The following RTL9 variants were observed in gnomAD, a reference collection of about 807,000 sequenced individuals.
The protein encoded by RTL9 is retrotransposon Gag-like protein 9.
In RTL9, 19 loss-of-function variants were observed where a neutral mutation model predicts 44.7. That is an observed-to-expected ratio of 0.42 (90% confidence interval 0.30 to 0.62). The LOEUF (loss-of-function observed/expected upper bound fraction) is 0.62, where lower values mean the gene tolerates loss of function less well. Among genes scored for constraint, RTL9 ranks in the 20% least tolerant of loss-of-function variants. RTL9 has a pLI of 0.16. For synonymous variants in RTL9, 407 were observed against 398.9 expected (o/e 1.02, Z -0.24); for missense variants, 1,105 against 1,080.6 (o/e 1.02, Z -0.32).
At chrX:110,448,753 G>C (rs1372380163), upstream of RTL9, among the ~76,000 whole-genome samples, 26 of 109,870 alleles carry the variant, frequency 2.4e-4, 1 homozygote, top group Non-Finnish European at 9.5e-5. Flanking sequence ...ACAGCTGTTG[G>C]TACTGGGTCT....
chrX:110,416,460 G>A (rs1363209453), upstream of RTL9, among the ~76,000 whole-genome samples: 2 of 111,690 alleles, frequency 1.8e-5, no homozygotes, highest in Non-Finnish European at 3.8e-5. Context: ...CATATGACAG[G>A]TGGGAAAATG....
upstream of RTL9, among the ~76,000 whole-genome samples, chrX:110,447,691 C>T (rs747859729): frequency 9.0e-6 from 1 of 110,876 alleles, no homozygotes; most frequent in Admixed American, 9.5e-5. Context: ...GCTGGGAGGT[C>T]GGAATTATAT....
chrX:110,449,729 A>C (rs1016433178), upstream of RTL9, among the ~76,000 whole-genome samples: 1 of 112,659 alleles, frequency 8.9e-6, no homozygotes, highest in Non-Finnish European at 1.9e-5. Flanking sequence ...AGGGGGTCAG[A>C]GTCAATGCTA....
upstream of RTL9, among the ~76,000 whole-genome samples, chrX:110,450,225 A>T (rs760686193): frequency 9.0e-6 from 1 of 111,303 alleles, no homozygotes; most frequent in Non-Finnish European, 1.9e-5. Context: ...GTGGGATAGA[A>T]TACAGGCCAG....
chrX:110,396,214 C>T (rs1179968983), intron 1 of RTL9, among the ~76,000 whole-genome samples: 2 of 110,599 alleles, frequency 1.8e-5, no homozygotes, highest in Non-Finnish European at 3.8e-5. Flanking sequence ...AAAATACATG[C>T]TTGAAAAAAA....
At chrX:110,434,676 T>C (rs757345197) in intron 1 of RTL9, among the ~76,000 whole-genome samples, 2 of 111,096 alleles carry the variant, frequency 1.8e-5, no homozygotes, top group South Asian at 3.9e-4. Flanking sequence ...CAAGGTCTGT[T>C]TGGACTTGCT....
At chrX:110,415,523 A>T (rs949209618), upstream of RTL9, among the ~76,000 whole-genome samples, 2 of 111,515 alleles carry the variant, frequency 1.8e-5, no homozygotes, top group Non-Finnish European at 3.8e-5. Context: ...CCATGGAGGA[A>T]TCGACAACCA....
intron 1 of RTL9, among the ~76,000 whole-genome samples, chrX:110,420,559 A>G (rs916400794): frequency 1.4e-4 from 16 of 112,109 alleles, no homozygotes; most frequent in Non-Finnish European, 2.4e-4. Context: ...TCATTTTGTC[A>G]TCGGTCTAAA....
intron 1 of RTL9, among the ~76,000 whole-genome samples, chrX:110,413,669 G>A (rs1301665781): frequency 2.8e-5 from 3 of 107,275 alleles, no homozygotes; most frequent in African/African-American, 1.0e-4. Context: ...TTCATCATCA[G>A]TCAGAACCCC....
intron 1 of RTL9, among the ~76,000 whole-genome samples, chrX:110,384,107 A>T (rs1027300767): frequency 1.8e-5 from 2 of 111,937 alleles, no homozygotes; most frequent in African/African-American, 6.5e-5. Context: ...TGTAATATAC[A>T]TGTGTTATTA....
At chrX:110,431,097 C>T (rs1226337566) in intron 1 of RTL9, among the ~76,000 whole-genome samples, 3 of 111,945 alleles carry the variant, frequency 2.7e-5, no homozygotes, top group Admixed American at 1.9e-4. Flanking sequence ...CTAGGAAGAC[C>T]TGGAGGAAAG....
intron 1 of RTL9, among the ~76,000 whole-genome samples, chrX:110,362,137 T>C (rs1204039884): frequency 8.9e-6 from 1 of 111,765 alleles, no homozygotes; most frequent in Non-Finnish European, 1.9e-5. Context: ...AGCTGTGGAA[T>C]AAAAAATATA....
At chrX:110,430,780 G>T (rs184142396) in intron 1 of RTL9, among the ~76,000 whole-genome samples, 8 of 112,518 alleles carry the variant, frequency 7.1e-5, no homozygotes, top group African/African-American at 2.3e-4. Flanking sequence ...ACATAGATTT[G>T]CTGAGTGAAT....
At chrX:110,448,516 G>T (rs960117771), upstream of RTL9, among the ~76,000 whole-genome samples, 8 of 109,196 alleles carry the variant, frequency 7.3e-5, no homozygotes, top group African/African-American at 2.7e-4. Context: ...GGGCGACAGG[G>T]AAGAGGGGTG....
chrX:110,437,818 ATC>A (rs199518840), intron 1 of RTL9, among the ~76,000 whole-genome samples: 1,686 of 111,120 alleles, frequency 0.015, 25 homozygotes, highest in African/African-American at 0.052. Flanking sequence ...AGATTGTTAG[ATC>A]TGTTTGTTCC....
At chrX:110,409,419 C>T (rs770022667) in intron 1 of RTL9, among the ~76,000 whole-genome samples, 43 of 111,694 alleles carry the variant, frequency 3.8e-4, no homozygotes, top group Middle Eastern at 4.6e-3. Flanking sequence ...TGGTATCAAT[C>T]GTAGGGGCCC....
chrX:110,401,140 C>T (rs1280502509), intron 1 of RTL9, among the ~76,000 whole-genome samples: 1 of 112,344 alleles, frequency 8.9e-6, no homozygotes, highest in Non-Finnish European at 1.9e-5. Context: ...AGAGGAGTAA[C>T]AAAGATACAT....
At chrX:110,455,264 T>C (rs1244331559) in exon 2 of RTL9, 1 of 1,209,785 alleles carries the variant, frequency 8.3e-7, no homozygotes, top group East Asian at 3.0e-5. Context: ...AAGAAGGTCT[T>C]CATGATCACC....
chrX:110,452,965 T>G, exon 1 of RTL9: 1 of 1,211,371 alleles, frequency 8.3e-7, no homozygotes, highest in Non-Finnish European at 1.1e-6. Flanking sequence ...AGGCCCTCAC[T>G]GCTCACAAGA....
Sources: allele counts gnomAD v4.1 joint callset (sites outside exome capture counted in the v4.1 genomes callset), GRCh38; gene constraint gnomAD v4.1.1; transcripts MANE v1.5; gene names NCBI Gene and HGNC (gene_info 2026-07-23, HGNC 2026-07-21).